RGS7: variants seen among roughly 807,000 people sequenced by gnomAD.
RGS7 encodes regulator of G-protein signaling 7.
Under a neutral mutation model 81.1 loss-of-function variants are expected in RGS7, and 27 were observed. The observed-to-expected ratio is 0.33, with a 90% CI of 0.25 to 0.46. RGS7 has a LOEUF of 0.46. Among genes scored for constraint, RGS7 ranks in the 20% least tolerant of loss-of-function variants. RGS7 has a pLI of 1.00. For synonymous variants in RGS7, 208 were observed against 207.7 expected (o/e 1.00, Z -0.01); for missense variants, 396 against 607.4 (o/e 0.65, Z 3.66).
chr1:241,315,778 A>AT (rs2080834677), intron 2 of RGS7, among the ~76,000 whole-genome samples: 1 of 152,052 alleles, frequency 6.6e-6, no homozygotes, highest in Non-Finnish European at 1.5e-5. Flanking sequence ...TTTTTTTCTG[A>AT]TCTTAGAGAA....
intron 6 of RGS7, among the ~76,000 whole-genome samples, chr1:240,901,357 G>A (rs186797278): frequency 1.4e-3 from 210 of 152,250 alleles, no homozygotes; most frequent in African/African-American, 4.4e-3. Context: ...GAAATCACCC[G>A]TCTTCTGCGT....
intron 14 of RGS7, among the ~76,000 whole-genome samples, chr1:240,807,007 G>A (rs57696306): frequency 0.04 from 6,026 of 152,238 alleles, 400 homozygotes; most frequent in African/African-American, 0.14. Context: ...GCTTTCACAT[G>A]GAATTATTTG....
At chr1:241,284,753 T>G (rs544109693) in intron 2 of RGS7, among the ~76,000 whole-genome samples, 2 of 152,334 alleles carry the variant, frequency 1.3e-5, no homozygotes, top group South Asian at 4.1e-4. Flanking sequence ...AAGTCTAGCC[T>G]CCCCACTCAG....
rs377460799 is a variant in RGS7 at position 240,907,487 on chromosome 1, G to A, written c.385+23230C>T. On this transcript the variant is annotated intron_variant, in intron 6 of 18. Coordinates refer to ENST00000440928, the MANE Select transcript of RGS7 (RefSeq NM_001364886.1). ...AATAAAATACTAAAGTTTGCTCAAG[G>A]AAAAGATGAAGTTAGATATGTGTTT... Among the ~76,000 whole-genome samples the A allele has an allele frequency of 2.2e-4, 33 of 152,146 alleles. No homozygotes were observed. The East Asian group carries it at 5.2e-3, about 24-fold the overall frequency.
intron 4 of RGS7, among the ~76,000 whole-genome samples, chr1:240,949,711 G>A (rs1487168423): frequency 1.3e-5 from 2 of 152,014 alleles, no homozygotes; most frequent in Admixed American, 1.3e-4. Flanking sequence ...AGCAGGGCGT[G>A]GTGGTGCATG....
At chr1:241,137,850 A>G (rs1353513722) in intron 2 of RGS7, among the ~76,000 whole-genome samples, 4 of 152,202 alleles carry the variant, frequency 2.6e-5, no homozygotes, top group Non-Finnish European at 5.9e-5. Context: ...TTCATGTGAA[A>G]AGATCATATG....
chr1:240,982,290 C>T (rs1685025148), intron 4 of RGS7, among the ~76,000 whole-genome samples: 1 of 151,890 alleles, frequency 6.6e-6, no homozygotes, highest in African/African-American at 2.4e-5. Flanking sequence ...GATGTGGTGG[C>T]ACGCGCCCAT....
intron 10 of RGS7, chr1:240,823,047 T>C: frequency 1.5e-6 from 1 of 665,906 alleles, no homozygotes; most frequent in Non-Finnish European, 2.7e-6. Flanking sequence ...GTAAATCTAG[T>C]CGTTTCTTAG....
chr1:241,112,317 C>T (rs2065573911), intron 2 of RGS7, among the ~76,000 whole-genome samples: 2 of 152,068 alleles, frequency 1.3e-5, no homozygotes, highest in Non-Finnish European at 1.5e-5. Context: ...TAGAGTTCTT[C>T]CAAGAGTAAT....
chr1:241,051,077 T>C (rs1332594293), intron 3 of RGS7, among the ~76,000 whole-genome samples: 3 of 152,066 alleles, frequency 2.0e-5, no homozygotes, highest in Non-Finnish European at 4.4e-5. Flanking sequence ...CTACAAATGT[T>C]AGGGGTGGGT....
At chr1:241,219,525 A>C (rs1047421566) in intron 2 of RGS7, among the ~76,000 whole-genome samples, 1 of 152,140 alleles carries the variant, frequency 6.6e-6, no homozygotes, top group African/African-American at 2.4e-5. Context: ...ACCCCACTAG[A>C]GATGTGCCAG....
At chr1:240,989,887 C>T (rs1223082141) in intron 3 of RGS7, among the ~76,000 whole-genome samples, 2 of 152,092 alleles carry the variant, frequency 1.3e-5, no homozygotes, top group Non-Finnish European at 2.9e-5. Flanking sequence ...ATTTAGGCCT[C>T]AAGGACTCAT....
intron 2 of RGS7, among the ~76,000 whole-genome samples, chr1:241,242,969 A>AT (rs1276653096): frequency 1.3e-5 from 2 of 152,042 alleles, no homozygotes; most frequent in South Asian, 2.1e-4. Context: ...TGCTGGGCAG[A>AT]TTTTTTTAGT....
chr1:240,801,417 A>G, intron 17 of RGS7, 38 bp downstream of exon 17: 1 of 1,376,142 alleles, frequency 7.3e-7, no homozygotes. Flanking sequence ...ATTTCATTGG[A>G]CTTAATGATT....
At chr1:241,117,848 G>A (rs969020860) in intron 2 of RGS7, among the ~76,000 whole-genome samples, 1 of 152,142 alleles carries the variant, frequency 6.6e-6, no homozygotes, top group African/African-American at 2.4e-5. Context: ...ATGGCACTGG[G>A]GACAATAGCC....
intron 2 of RGS7, among the ~76,000 whole-genome samples, chr1:241,255,297 A>G (rs986875333): frequency 6.6e-6 from 1 of 152,212 alleles, no homozygotes; most frequent in Non-Finnish European, 1.5e-5. Flanking sequence ...TAATGTTTCA[A>G]TCCTGAAACC....
At chr1:241,238,201 C>T (rs942212546) in intron 2 of RGS7, among the ~76,000 whole-genome samples, 3 of 152,090 alleles carry the variant, frequency 2.0e-5, no homozygotes, top group African/African-American at 7.2e-5. Context: ...GGCTGACCGA[C>T]CCAGACAGTC....
intron 2 of RGS7, among the ~76,000 whole-genome samples, chr1:241,188,889 G>A (rs924273637): frequency 6.6e-6 from 1 of 152,162 alleles, no homozygotes; most frequent in African/African-American, 2.4e-5. Context: ...TGAAGGCTTC[G>A]AAATTCAGCA....
chr1:241,121,062 C>T (rs1256711489), intron 2 of RGS7, among the ~76,000 whole-genome samples: 1 of 152,194 alleles, frequency 6.6e-6, no homozygotes, highest in African/African-American at 2.4e-5. Context: ...GGATTATGAT[C>T]TCACTTACTC....
Sources: allele counts gnomAD v4.1 joint callset (sites outside exome capture counted in the v4.1 genomes callset), GRCh38; gene constraint gnomAD v4.1.1; transcripts MANE v1.5; gene names NCBI Gene and HGNC (gene_info 2026-07-23, HGNC 2026-07-21).